Variants in ANK3 observed in about 807,000 individuals in gnomAD.
The protein encoded by ANK3 is ankyrin-3.
A neutral mutation model predicts 370.9 loss-of-function variants in ANK3; 57 were observed. The observed-to-expected ratio is 0.15, with a 90% CI of 0.12 to 0.19. The LOEUF (loss-of-function observed/expected upper bound fraction) is 0.19, where lower values mean the gene tolerates loss of function less well. Ranked by LOEUF, ANK3 falls within the 10% of genes least tolerant of loss-of-function variation. ANK3 has a pLI of 1.00. For missense variants in ANK3, 4,439 were observed against 5,302.1 expected (o/e 0.84, Z 5.06); for synonymous variants, 1,929 against 1,946.3 (o/e 0.99, Z 0.23).
At chr10:60,669,425 C>T (rs2079038813) in intron 1 of ANK3, among the ~76,000 whole-genome samples, 1 of 152,208 alleles carries the variant, frequency 6.6e-6, no homozygotes, top group South Asian at 2.1e-4. Flanking sequence ...CTTTCAGAGG[C>T]TTGCACCCTT....
At chr10:60,208,278 A>T in intron 9 of ANK3, 45 bp from the exon 10 acceptor site, 2 of 1,562,198 alleles carry the variant, frequency 1.3e-6, no homozygotes, top group South Asian at 1.1e-5. Flanking sequence ...TACCTTTTAA[A>T]CACAAATGTG....
At chr10:60,552,838 G>T (rs776096482) in intron 2 of ANK3, among the ~76,000 whole-genome samples, 6 of 152,148 alleles carry the variant, frequency 3.9e-5, no homozygotes, top group Non-Finnish European at 7.3e-5. Flanking sequence ...AATCATGGGG[G>T]TGGGTCTTTG....
chr10:60,310,117 G>C (rs1377609011), intron 1 of ANK3, among the ~76,000 whole-genome samples: 1 of 151,708 alleles, frequency 6.6e-6, no homozygotes, highest in African/African-American at 2.4e-5. Flanking sequence ...TAGAGATGGG[G>C]TCTAGCTATG....
intron 2 of ANK3, among the ~76,000 whole-genome samples, chr10:60,518,221 G>A (rs1462674495): frequency 6.6e-6 from 1 of 152,060 alleles, no homozygotes; most frequent in East Asian, 1.9e-4. Flanking sequence ...TATGTAAAAT[G>A]CACCTACTTC....
At chr10:60,464,186 A>G (rs12243786) in intron 2 of ANK3, among the ~76,000 whole-genome samples, 13,245 of 152,232 alleles carry the variant, frequency 0.087, 679 homozygotes, top group South Asian at 0.17. Flanking sequence ...TCATTAGAAC[A>G]ACTTCTATCA....
At chr10:60,592,585 C>A (rs149545937) in intron 2 of ANK3, among the ~76,000 whole-genome samples, 1 of 151,930 alleles carries the variant, frequency 6.6e-6, no homozygotes, top group South Asian at 2.1e-4. Flanking sequence ...CATGGTGAAA[C>A]CTGTCTCTAC....
chr10:60,529,176 CA>C (rs2076546513), intron 2 of ANK3, among the ~76,000 whole-genome samples: 1 of 151,982 alleles, frequency 6.6e-6, no homozygotes, highest in African/African-American at 2.4e-5. Context: ...TGGGGGTAGA[CA>C]ATAAGGGTGA....
At chr10:60,121,928 T>C (rs2093502899) in intron 25 of ANK3, among the ~76,000 whole-genome samples, 1 of 152,104 alleles carries the variant, frequency 6.6e-6, no homozygotes, top group South Asian at 2.1e-4. Context: ...CTACTATGTA[T>C]TCACAAAAAT....
intron 1 of ANK3, among the ~76,000 whole-genome samples, chr10:60,721,310 T>C (rs1330842368): frequency 6.6e-6 from 1 of 152,072 alleles, no homozygotes; most frequent in African/African-American, 2.4e-5. Context: ...TGGCACAAAT[T>C]AGCAGAGAGA....
chr10:60,694,480 T>C (rs2133407675), intron 1 of ANK3, among the ~76,000 whole-genome samples: 1 of 152,152 alleles, frequency 6.6e-6, no homozygotes, highest in Non-Finnish European at 1.5e-5. Flanking sequence ...GGAAAAAATG[T>C]TAAGGGCAGC....
At chr10:60,205,571 A>G (rs2096750097) in intron 11 of ANK3, among the ~76,000 whole-genome samples, 2 of 152,164 alleles carry the variant, frequency 1.3e-5, no homozygotes, top group African/African-American at 4.8e-5. Flanking sequence ...TTTAGGTTAC[A>G]TTTCTTGACA....
chr10:60,288,215 T>C (rs2040482861), intron 1 of ANK3, among the ~76,000 whole-genome samples: 1 of 152,152 alleles, frequency 6.6e-6, no homozygotes, highest in Non-Finnish European at 1.5e-5. Flanking sequence ...ACGCACCTAC[T>C]AAATTCTGGG....
intron 1 of ANK3, among the ~76,000 whole-genome samples, chr10:60,629,628 T>C (rs1363535817): frequency 2.6e-5 from 4 of 152,128 alleles, no homozygotes; most frequent in Admixed American, 6.5e-5. Context: ...AGAGACCAAA[T>C]AGCTCATGTA....
At chr10:60,485,078 T>C (rs1190197895) in intron 2 of ANK3, among the ~76,000 whole-genome samples, 1 of 152,074 alleles carries the variant, frequency 6.6e-6, no homozygotes, top group East Asian at 1.9e-4. Context: ...ACAGAATAAA[T>C]GAAGAATTAG....
intron 5 of ANK3, among the ~76,000 whole-genome samples, chr10:60,267,822 G>A (rs17232716): frequency 0.019 from 2,949 of 152,240 alleles, 37 homozygotes; most frequent in South Asian, 0.035. Flanking sequence ...CTTTCATTAG[G>A]TTATTTACAG....
At chr10:60,364,539 G>A (rs1221998390) in intron 1 of ANK3, among the ~76,000 whole-genome samples, 1 of 151,020 alleles carries the variant, frequency 6.6e-6, no homozygotes, top group East Asian at 1.9e-4. Flanking sequence ...ACTGGGGCCT[G>A]TTGGGGGGTG....
intron 28 of ANK3, among the ~76,000 whole-genome samples, chr10:60,092,279 C>T (rs2088749157): frequency 6.6e-6 from 1 of 152,126 alleles, no homozygotes; most frequent in Non-Finnish European, 1.5e-5. Flanking sequence ...CTTTTCAGAC[C>T]TCCGATACAT....
intron 1 of ANK3, among the ~76,000 whole-genome samples, chr10:60,650,899 C>T (rs753237451): frequency 1.3e-5 from 2 of 151,048 alleles, no homozygotes; most frequent in Non-Finnish European, 2.9e-5. Context: ...TCCTAGGCAA[C>T]ACAGTGAGTC....
rs1185927078 is a variant in ANK3 at position 60,069,225 on chromosome 10, CT to C, written c.11655del (p.Ala3886GlnfsTer4). 1 of 1,613,962 alleles carries C rather than the reference CT, an allele frequency of 6.2e-7. No individual in the cohort carries two copies. The highest frequency in any genetic ancestry group is 8.5e-7 in the Non-Finnish European group (1 of 1,179,984). On this transcript the variant is annotated frameshift_variant, in exon 37 of 44. Transcript: ENST00000280772. LOFTEE classifies it high-confidence loss of function. The stretch of plus-strand genomic sequence containing the variant: ...TGACTAACCTGCTTCATTTTACTTG[CT>C]TTAGTGTTTGACATATGGTTCGGTG... ...TFPPNHMSNTKASKMKQVSQS... is the reference protein window; with the variant it reads ...TFPPNHMSNTXASKMKQVSQS...
Sources: gnomAD v4.1 joint callset for allele counts (sites outside exome capture counted in the v4.1 genomes callset) on GRCh38, gnomAD v4.1.1 for gene constraint, MANE v1.5 for transcripts, NCBI Gene and HGNC (gene_info 2026-07-23, HGNC 2026-07-21) for gene names.